The following CERS3 variants were observed in gnomAD, a reference collection of about 807,000 sequenced individuals.
The protein encoded by CERS3 is LAG1 homolog, ceramide synthase 3.
CERS3 carries 33 observed loss-of-function variants against 50.3 expected under a neutral mutation model. That is an observed-to-expected ratio of 0.66 (90% confidence interval 0.50 to 0.88). The LOEUF is 0.88. Ranked by LOEUF, CERS3 falls within the 40% of genes least tolerant of loss-of-function variation. The pLI is 0.00. For synonymous variants in CERS3, 176 were observed against 155.2 expected (o/e 1.13, Z -0.99); for missense variants, 470 against 460.3 (o/e 1.02, Z -0.19).
At chr15:100,508,650 A>G (rs1457533026) in intron 2 of CERS3, among the ~76,000 whole-genome samples, 1 of 152,212 alleles carries the variant, frequency 6.6e-6, no homozygotes. Flanking sequence ...TGATGCCCAC[A>G]TTAAGTTCTT....
At chr15:100,516,749 C>A (rs752954397) in intron 2 of CERS3, among the ~76,000 whole-genome samples, 45 of 152,278 alleles carry the variant, frequency 3.0e-4, no homozygotes, top group Non-Finnish European at 5.3e-4. Flanking sequence ...GTAAGGAAAG[C>A]CCACATAATG....
chr15:100,486,094 T>A (rs1443789671), intron 4 of CERS3, among the ~76,000 whole-genome samples: 2 of 152,120 alleles, frequency 1.3e-5, no homozygotes, highest in African/African-American at 2.4e-5. Context: ...AGGATTTTGA[T>A]GAGAAATCAC....
At chr15:100,452,693 C>T (rs183692362) in intron 11 of CERS3, among the ~76,000 whole-genome samples, 1 of 151,612 alleles carries the variant, frequency 6.6e-6, no homozygotes, top group Admixed American at 6.6e-5. Context: ...AAAATAATTA[C>T]AAAGAATCAA....
chr15:100,508,570 A>G (rs2036251270), intron 2 of CERS3, among the ~76,000 whole-genome samples: 2 of 152,242 alleles, frequency 1.3e-5, no homozygotes, highest in African/African-American at 2.4e-5. Flanking sequence ...GAGCCTTCAC[A>G]GCAATGATTC....
intron 11 of CERS3, among the ~76,000 whole-genome samples, chr15:100,411,166 G>GT (rs773603327): frequency 3.8e-4 from 58 of 151,984 alleles, no homozygotes; most frequent in African/African-American, 6.5e-4. Context: ...TTTGTTTTCT[G>GT]TTTTTTTTCT....
chr15:100,461,241 G>A (rs1179454494), intron 10 of CERS3, among the ~76,000 whole-genome samples: 1 of 152,142 alleles, frequency 6.6e-6, no homozygotes, highest in African/African-American at 2.4e-5. Flanking sequence ...TAGTCACTGG[G>A]TAAAACTAGC....
chr15:100,402,002 C>T lies in CERS3; in HGVS notation c.*711G>A, dbSNP rs1370111116. The T allele has an allele frequency of 1.3e-5, 2 of 152,196 alleles. No homozygotes were observed. Among genetic ancestry groups the T allele is most frequent in the Non-Finnish European group, 2.9e-5 (2 of 68,044 alleles). 9.4% of individuals were successfully genotyped at this position (152,196 alleles called of 1,614,324 possible). A position where few individuals can be genotyped will look rare whatever the true frequency, so the allele number is the denominator to read the frequency against. On this transcript the variant is annotated 3_prime_UTR_variant, in exon 12 of 12. Transcript: ENST00000679737. ...TTTCATTTCCAGGTATCTCCAGAGT[C>T]ATTTAAGAGGAATTTTTAAAGATTC...
At chr15:100,403,003 G>C in intron 11 of CERS3, 138 bp from the exon 12 acceptor site, 1 of 825,866 alleles carries the variant, frequency 1.2e-6, no homozygotes, top group Non-Finnish European at 1.8e-6. Context: ...CACCAAGATT[G>C]ACTATATCAT....
chr15:100,479,670 A>C (rs149847504), intron 6 of CERS3, among the ~76,000 whole-genome samples, 192 bp from the exon 7 acceptor site: 1 of 152,274 alleles, frequency 6.6e-6, no homozygotes, highest in East Asian at 1.9e-4. Context: ...TATTTCTTAC[A>C]TATTCCTATA....
intron 11 of CERS3, among the ~76,000 whole-genome samples, chr15:100,421,054 T>G (rs1211498007): frequency 6.3e-5 from 9 of 143,434 alleles, no homozygotes; most frequent in Admixed American, 7.1e-5. Context: ...ACCACTCCTA[T>G]TCAACATAGT....
At chr15:100,440,629 G>C (rs186699369) in intron 11 of CERS3, among the ~76,000 whole-genome samples, 81 of 152,318 alleles carry the variant, frequency 5.3e-4, no homozygotes, top group African/African-American at 1.7e-3. Context: ...GTGACTGGAG[G>C]GGGGGAACCT....
intron 11 of CERS3, among the ~76,000 whole-genome samples, chr15:100,446,688 A>C (rs1433402781): frequency 1.3e-5 from 2 of 152,188 alleles, no homozygotes; most frequent in Non-Finnish European, 2.9e-5. Context: ...ATAACTTTCA[A>C]CTCAAAAGAT....
intron 3 of CERS3, among the ~76,000 whole-genome samples, chr15:100,498,041 G>A (rs921640037): frequency 2.0e-5 from 3 of 151,804 alleles, no homozygotes; most frequent in East Asian, 1.9e-4. Context: ...CTACAGGCAT[G>A]TGCCAACACA....
intron 11 of CERS3, among the ~76,000 whole-genome samples, chr15:100,438,842 C>T (rs2033551190): frequency 6.6e-6 from 1 of 152,208 alleles, no homozygotes; most frequent in Non-Finnish European, 1.5e-5. Context: ...CACAGACATG[C>T]TTGAGCTGGC....
rs545117988 is a variant in CERS3 at position 100,513,658 on chromosome 15, C to G, written c.-2+8009G>C. Among the ~76,000 whole-genome samples, 115 of 151,840 alleles carry G rather than the reference C, an allele frequency of 7.6e-4. 1 individual carries two copies. Among genetic ancestry groups the G allele is most frequent in the African/African-American group, 2.5e-3 (102 of 41,440 alleles). On this transcript the variant is annotated intron_variant, in intron 2 of 11. Transcript: ENST00000679737. ...GTTCAAGCAATCCTCCCACCTCAGC[C>G]TCCTAAGTAGCTGGGACCACAGGCA...
intron 2 of CERS3, among the ~76,000 whole-genome samples, chr15:100,505,197 C>T (rs539323624): frequency 3.7e-4 from 56 of 152,132 alleles, no homozygotes; most frequent in Admixed American, 1.3e-3. Flanking sequence ...GTTAGGTTTC[C>T]CCCCCAATAT....
chr15:100,538,556 A>G (rs189144923), intron 1 of CERS3, among the ~76,000 whole-genome samples: 149 of 152,372 alleles, frequency 9.8e-4, no homozygotes, highest in African/African-American at 3.5e-3. Context: ...CCTCTGAAGC[A>G]ATGGCCTGGG....
At chr15:100,471,887 T>TC (rs1396462393) in intron 9 of CERS3, among the ~76,000 whole-genome samples, 1 of 152,008 alleles carries the variant, frequency 6.6e-6, no homozygotes, top group Non-Finnish European at 1.5e-5. Flanking sequence ...TAAATTACAG[T>TC]CCCCCCATGG....
intron 11 of CERS3, among the ~76,000 whole-genome samples, chr15:100,452,500 A>C (rs1486932713): frequency 6.6e-6 from 1 of 152,202 alleles, no homozygotes; most frequent in East Asian, 1.9e-4. Context: ...GAGATACAAC[A>C]AAAGCAGTGC....
Sources: gnomAD v4.1 joint callset for allele counts (sites outside exome capture counted in the v4.1 genomes callset) on GRCh38, gnomAD v4.1.1 for gene constraint, MANE v1.5 for transcripts, NCBI Gene and HGNC (gene_info 2026-07-23, HGNC 2026-07-21) for gene names.